The following KCP variants were observed in gnomAD, a reference collection of about 807,000 sequenced individuals.
The protein encoded by KCP is kielin cysteine rich BMP regulator, also known as kielin/chordin-like protein.
KCP carries 194 observed loss-of-function variants against 212.7 expected under a neutral mutation model. The observed-to-expected ratio is 0.91, with a 90% CI of 0.81 to 1.03. KCP has a LOEUF of 1.03. Ranked by LOEUF, KCP falls within the 50% of genes least tolerant of loss-of-function variation. The pLI is 0.00. For synonymous variants in KCP, 833 were observed against 865.3 expected, an observed-to-expected ratio of 0.96 and a Z score of 0.65; for missense variants, 2,080 against 2,162.5, an observed-to-expected ratio of 0.96 and a Z score of 0.76.
At chr7:128,884,992 A>T in intron 27 of KCP, 105 bp downstream of exon 27, 1 of 1,508,502 alleles carries the variant, frequency 6.6e-7, no homozygotes, top group Admixed American at 2.0e-5. Flanking sequence ...GACGGAGGCC[A>T]CTTCTCCAAC....
At position 128,907,337 on chromosome 7, in the gene KCP, G is replaced by T. The variant is rs560712849; in HGVS notation, c.336C>A (p.Asp112Glu). The stretch of plus-strand genomic sequence containing the variant: ...CCTGGCAGACGCAGGCTGTGCAGGC[G>T]TCAGGCTCCCAGCGTGCCCCCTCGG... ...AWPEGARWEP[D>E]ACTACVCQDG... The change falls in exon 3 of 40, where the codon GAC becomes GAA. Residue 112 changes from aspartate (D) to glutamate (E), a missense_variant. By Grantham distance (45) the Asp-to-Glu change is conservative. Transcript: ENST00000610776. The T allele has an allele frequency of 8.4e-6, 13 of 1,543,316 alleles. No homozygotes were observed. In the African/African-American group the frequency reaches 1.8e-4, roughly 21 times the overall value.
At chr7:128,893,596 G>A (rs916229663) in intron 11 of KCP, 120 bp from the exon 12 acceptor site, 46 of 971,152 alleles carry the variant, frequency 4.7e-5, no homozygotes, top group Admixed American at 3.5e-4. Flanking sequence ...TCTCCAGGGC[G>A]CCCTGCCAGC....
Position 128,891,227 on chromosome 7 carries a change from C to T in KCP, c.1930G>A (p.Glu644Lys). 6.5e-7 allele frequency: 1 copy of T among 1,546,450 alleles called. No individual in the cohort carries two copies. Among genetic ancestry groups the T allele is most frequent in the Admixed American group, 2.0e-5 (1 of 50,978 alleles). ...ARRCVPLPCPEPVLLPGECCP... is the reference protein window; with the variant it reads ...ARRCVPLPCPKPVLLPGECCP... The stretch of plus-strand genomic sequence containing the variant: ...CACTCTCCCGGCAGCAGGACAGGCT[C>T]TGGACAGGGCAGCGGCACGCAGCGG... The change falls in exon 19 of 40, where the codon GAG becomes AAG. Residue 644 changes from glutamate (E) to lysine (K), a missense_variant. Transcript: ENST00000610776.
At position 128,895,037 on chromosome 7, in the gene KCP, C is replaced by T. The variant is rs183988101; in HGVS notation, c.832-744G>A. On this transcript the variant is annotated intron_variant, in intron 8 of 39. Coordinates refer to ENST00000610776, the MANE Select transcript of KCP (RefSeq NM_001366122.1). ...GAGTTCACTAGCAAATCACCAGAAG[C>T]GAGGGCAGAGGCTGGAGCAGATTCC... Among the ~76,000 whole-genome samples the T allele has an allele frequency of 1.5e-4, 23 of 152,252 alleles. No homozygotes were observed. The East Asian group carries it at 3.7e-3, about 24-fold the overall frequency.
Position 128,880,502 on chromosome 7 carries a change from C to T in KCP, c.3643G>A (p.Gly1215Ser). 6.6e-7 allele frequency: 1 copy of T among 1,523,056 alleles called. No individual in the cohort carries two copies. The allele number at this position is 1,523,056 out of a possible 1,614,324, so 94.3% of individuals were successfully genotyped here. ...QAPTQSCVHQ[G>S]REVASGERWT... is the part of the protein sequence containing the mutation. ...CGCTCTCCAGAGGCCACCTCACGGC[C>T]CTGGTGCACGCAGGACTGGGTGGGA... Residue 1215 changes from glycine to serine, a missense_variant, in exon 34 of 40, where the codon GGC becomes AGC. By Grantham distance (56) the Gly-to-Ser change is moderately conservative. Coordinates refer to ENST00000610776, the MANE Select transcript of KCP (RefSeq NM_001366122.1).
chr7:128,903,564 G>T (rs1245792883), intron 7 of KCP, among the ~76,000 whole-genome samples, 163 bp downstream of exon 7: 1 of 152,230 alleles, frequency 6.6e-6, no homozygotes, highest in Non-Finnish European at 1.5e-5. Flanking sequence ...TTGAGGAAGA[G>T]AGTCACACAA....
rs1257756030 is a variant in KCP, at chr7:128,880,001, G to A, written c.3844C>T (p.His1282Tyr). 1.3e-6 allele frequency: 2 copies of A among 1,550,240 alleles called. No homozygotes were observed. Among genetic ancestry groups the A allele is most frequent in the Non-Finnish European group, 1.7e-6 (2 of 1,146,942 alleles). Residue 1282 changes from histidine to tyrosine, a missense_variant, in exon 35 of 40, where the codon CAT becomes TAT. Coordinates refer to ENST00000610776, the MANE Select transcript of KCP (RefSeq NM_001366122.1). ...AGGCGGCCGTCGAAGGTGCGGTAAT[G>A]GGGGTCTCCGAAGGCCATGCAGGAA... ...PASCMAFGDP[H>Y]YRTFDGRLLH...
intron 18 of KCP, 53 bp from the exon 19 acceptor site, chr7:128,891,331 G>A (rs1317533050): frequency 3.9e-6 from 6 of 1,546,810 alleles, no homozygotes; most frequent in South Asian, 3.6e-5. Flanking sequence ...GGGAGGCCGA[G>A]GAGACCCCTC....
intron 4 of KCP, 117 bp from the exon 5 acceptor site, chr7:128,906,480 C>G (rs1323317334): frequency 2.6e-6 from 2 of 757,670 alleles, no homozygotes; most frequent in African/African-American, 1.7e-5. Context: ...GATGAGTTGG[C>G]TCTGTGGATG....
chr7:128,884,025 T>G lies in KCP; in HGVS notation c.3221A>C (p.Gln1074Pro). 1 of 1,548,510 alleles carries G rather than the reference T, an allele frequency of 6.5e-7. No homozygotes were observed. Among genetic ancestry groups the G allele is most frequent in the Non-Finnish European group, 8.7e-7 (1 of 1,146,320 alleles). Residue 1074 changes from glutamine (Q) to proline (P), a missense_variant, in exon 29 of 40, where the codon CAG becomes CCG. Transcript: ENST00000610776. ...ACCGGCACAGGTGGGACAGCAGTGC[T>G]GGGGCCCAGGGGGCAGGAGCTGGCT... Reference protein sequence around the residue: ...PPSQLLPPGPQHCCPTCAEAL... With the variant: ...PPSQLLPPGPPHCCPTCAEAL...
chr7:128,886,729 A>C lies in KCP; in HGVS notation c.2698T>G (p.Ser900Ala). 6.4e-7 allele frequency: 1 copy of C among 1,551,462 alleles called. No homozygotes were observed. Among genetic ancestry groups the C allele is most frequent in the South Asian group, 1.2e-5 (1 of 84,050 alleles). The change falls in exon 25 of 40, where the codon TCT (serine) becomes GCT (alanine). Residue 900 changes from serine (S) to alanine (A), a missense_variant. Transcript: ENST00000610776. ...CFCPVCHSCL[S>A]QGREHQDGEE... ...CCATCCTGGTGCTCCCGGCCCTGAG[A>C]GAGACAGCCTGTGGGGGACACACCT...
At chr7:128,899,295 G>A (rs756780899) in intron 8 of KCP, among the ~76,000 whole-genome samples, 13 of 152,186 alleles carry the variant, frequency 8.5e-5, no homozygotes, top group Admixed American at 5.2e-4. Flanking sequence ...AATAGCGGCT[G>A]TCCTAAAACT....
Position 128,885,082 on chromosome 7 carries a change from C to T in KCP, c.3040+15G>A, listed in dbSNP as rs1793564058. On this transcript the variant is annotated intron_variant, in intron 27 of 39. Coordinates refer to ENST00000610776, the MANE Select transcript of KCP (RefSeq NM_001366122.1). Reference sequence around the variant, plus strand: ...CCCTCCTCGCCTTTCCCCTCCCGCCCCAGGCTTCCAGTACCAGAGCATTGA... The same window carrying T: ...CCCTCCTCGCCTTTCCCCTCCCGCCTCAGGCTTCCAGTACCAGAGCATTGA... 1 of 1,550,638 alleles carries T rather than the reference C, an allele frequency of 6.4e-7. No homozygotes were observed. Among genetic ancestry groups the T allele is most frequent in the Non-Finnish European group, 8.7e-7 (1 of 1,146,992 alleles).
In KCP at chr7:128,894,049, A is replaced by C. The variant is rs2128948258; in HGVS notation, c.932T>G (p.Phe311Cys). 1 of 1,549,622 alleles carries C rather than the reference A, an allele frequency of 6.5e-7. No homozygotes were observed. The highest frequency in any genetic ancestry group is 8.7e-7 in the Non-Finnish European group (1 of 1,146,128). The change falls in exon 10 of 40, where the codon TTC (phenylalanine) becomes TGC (cysteine). Residue 311 changes from phenylalanine to cysteine, a missense_variant. Coordinates refer to ENST00000610776, the MANE Select transcript of KCP (RefSeq NM_001366122.1). ...GCTGCGGTGCTCCCGCCCGTTTAGGAAACAGCCTGTTGGGAAGGGGGGCCT... is the reference window on the plus strand; with the variant it reads ...GCTGCGGTGCTCCCGCCCGTTTAGGCAACAGCCTGTTGGGAAGGGGGGCCT... The part of the protein sequence containing the change: ...GTCCPVCDGC[F>C]LNGREHRSGE...
intron 8 of KCP, among the ~76,000 whole-genome samples, chr7:128,901,364 C>T (rs375294356): frequency 1.4e-4 from 22 of 152,316 alleles, no homozygotes; most frequent in Middle Eastern, 6.8e-3. Flanking sequence ...TGGTGGCTCA[C>T]GCCTGTAATC....
At chr7:128,903,313 C>T (rs1233017609) in intron 7 of KCP, 1 of 282,002 alleles carries the variant, frequency 3.5e-6, no homozygotes, top group South Asian at 5.5e-5. Flanking sequence ...CCTCCTGTGC[C>T]CAGGCTGGAT....
Position 128,877,196 on chromosome 7 carries a change from C to T in KCP, c.4734G>A (p.Arg1578=), listed in dbSNP as rs1324543901. Residue 1578 remains arginine (R), a synonymous_variant, in exon 40 of 40, where the codon AGG becomes AGA. Coordinates refer to ENST00000610776, the MANE Select transcript of KCP (RefSeq NM_001366122.1). ...GGCACTGGCAGCCGGGCACGCAGGG[C>T]CTCACGCAGTGGGCTGCCAGCTCCC... ...PLGELAAHCV[R]PCVPGCQCPA... is the part of the protein sequence containing the mutation. 3 of 1,484,936 alleles carry T rather than the reference C, an allele frequency of 2.0e-6. No individual in the cohort carries two copies. In the African/African-American group the frequency reaches 4.3e-5, roughly 21 times the overall value. The allele number at this position is 1,484,936 out of a possible 1,614,324, so 92.0% of individuals were successfully genotyped here.
chr7:128,896,702 C>G (rs1585237298), intron 8 of KCP, among the ~76,000 whole-genome samples: 1 of 152,064 alleles, frequency 6.6e-6, no homozygotes, highest in Non-Finnish European at 1.5e-5. Flanking sequence ...ACCATCCTGG[C>G]CAACACGGTG....
chr7:128,883,955 G>A lies in KCP; in HGVS notation c.3244+47C>T, dbSNP rs192722227. The A allele has an allele frequency of 9.7e-4, 1,475 of 1,518,204 alleles. 6 individuals carry two copies. The highest frequency in any genetic ancestry group is 6.4e-4 in the Non-Finnish European group (724 of 1,133,444). 94.0% of individuals were successfully genotyped at this position (1,518,204 alleles called of 1,614,324 possible). On this transcript the variant is annotated intron_variant, in intron 29 of 39. Coordinates refer to ENST00000610776, the MANE Select transcript of KCP (RefSeq NM_001366122.1). ...TGGTGAGGAAGGGCGGCAGGGGGTG[G>A]CAGCCCTAACCTCATATCTCATCTA...
Sources: gnomAD v4.1 joint callset for allele counts (sites outside exome capture counted in the v4.1 genomes callset) on GRCh38, gnomAD v4.1.1 for gene constraint, MANE v1.5 for transcripts, NCBI Gene and HGNC (gene_info 2026-07-23, HGNC 2026-07-21) for gene names.